Variants in SORCS2 observed in about 807,000 individuals in gnomAD.
SORCS2 encodes VPS10 domain-containing receptor SorCS2.
In SORCS2, 100 loss-of-function variants were observed where a neutral mutation model predicts 141.6. The observed-to-expected ratio is 0.71, with a 90% confidence interval of 0.60 to 0.83. SORCS2 has a LOEUF of 0.83. SORCS2 is among the 40% of genes least tolerant of loss of function. The pLI, the probability that SORCS2 is intolerant of heterozygous loss-of-function variation, is 0.00. For missense variants in SORCS2, 1,646 were observed against 1,560.2 expected (o/e 1.05, Z -0.93); for synonymous variants, 789 against 676.9 (o/e 1.17, Z -2.57).
At chr4:7,696,659 C>G (rs73204709) in intron 11 of SORCS2, among the ~76,000 whole-genome samples, 3 of 152,136 alleles carry the variant, frequency 2.0e-5, no homozygotes, top group African/African-American at 7.2e-5. Flanking sequence ...ACATTCTGCA[C>G]CCCCAGTTGG....
At chr4:7,497,269 G>A (rs1731687072) in intron 2 of SORCS2, among the ~76,000 whole-genome samples, 2 of 152,218 alleles carry the variant, frequency 1.3e-5, no homozygotes, top group Non-Finnish European at 2.9e-5. Context: ...CCATGTCTGG[G>A]CCTCCCCTGA....
At chr4:7,618,837 AAC>A (rs36003102) in intron 3 of SORCS2, among the ~76,000 whole-genome samples, 101,134 of 150,404 alleles carry the variant, frequency 0.67, 34,851 homozygotes, top group East Asian at 0.86. Context: ...CATGTGCGCA[AAC>A]ACACACACAC....
In SORCS2 at chr4:7,664,346, C is replaced by T. The variant is rs1020665118; in HGVS notation, c.953-7C>T. The T allele has an allele frequency of 5.6e-6, 9 of 1,612,246 alleles. No homozygotes were observed. Among genetic ancestry groups the T allele is most frequent in the East Asian group, 2.2e-5 (1 of 44,832 alleles). On this transcript the variant is annotated splice_region_variant and splice_polypyrimidine_tract_variant and intron_variant, in intron 6 of 26. Transcript: ENST00000507866. The surrounding 1 kb of genome is among the most constrained non-coding windows in gnomAD (Gnocchi z 4.7). The stretch of plus-strand genomic sequence containing the variant: ...TGACCGCCTGGGTCGGCGCCTCTCT[C>T]CTGTAGATTTTCGGTACGTCACCTG...
At chr4:7,425,351 A>C (rs1726358064) in intron 2 of SORCS2, among the ~76,000 whole-genome samples, 1 of 152,008 alleles carries the variant, frequency 6.6e-6, no homozygotes, top group Admixed American at 6.5e-5. Context: ...TTGAGATGAG[A>C]TGACCCCGAT....
At chr4:7,603,041 C>G (rs867480777) in intron 3 of SORCS2, among the ~76,000 whole-genome samples, 2 of 152,194 alleles carry the variant, frequency 1.3e-5, no homozygotes, top group African/African-American at 4.8e-5. Context: ...CGCCTGCAAT[C>G]GCAGGCACTC....
chr4:7,551,889 C>A (rs1186373611), intron 3 of SORCS2, among the ~76,000 whole-genome samples: 2 of 152,164 alleles, frequency 1.3e-5, no homozygotes, highest in African/African-American at 4.8e-5. Flanking sequence ...ATAATACCAC[C>A]GTGTAATTAC....
intron 2 of SORCS2, among the ~76,000 whole-genome samples, chr4:7,436,317 G>A (rs1018498676): frequency 1.2e-4 from 19 of 152,316 alleles, no homozygotes; most frequent in African/African-American, 3.6e-4. Flanking sequence ...GCTTATGATG[G>A]GCCTGCCATT....
rs1223202483 is a variant in SORCS2 at position 7,192,923 on chromosome 4, GC to G, written c.281del (p.Pro94ArgfsTer68). 8.2e-7 allele frequency: 1 copy of G among 1,226,564 alleles called. No individual in the cohort carries two copies. Among genetic ancestry groups the G allele is most frequent in the East Asian group, 3.5e-5 (1 of 28,810 alleles). The allele number at this position is 1,226,564 out of a possible 1,614,324, so 76.0% of individuals were successfully genotyped here. The part of the protein sequence containing the change: ...DRQARGTEPG[A>X]PGPSPGPAPG... The stretch of plus-strand genomic sequence containing the variant: ...GCAGGCGCGCGGCACGGAGCCAGGC[GC>G]CCCGGGTCCGAGTCCCGGTCCCGCT... On this transcript the variant is annotated frameshift_variant, in exon 1 of 27. Transcript: ENST00000507866. LOFTEE classifies it high-confidence loss of function. The surrounding 1 kb of genome is among the most constrained non-coding windows in gnomAD (Gnocchi z 4.0).
intron 2 of SORCS2, among the ~76,000 whole-genome samples, chr4:7,449,940 A>C (rs1027396686): frequency 6.6e-6 from 1 of 152,156 alleles, no homozygotes; most frequent in Non-Finnish European, 1.5e-5. Context: ...TCGATCCTTG[A>C]AATTAGTTAA....
intron 3 of SORCS2, among the ~76,000 whole-genome samples, chr4:7,563,424 A>G (rs1379817695): frequency 6.6e-6 from 1 of 152,202 alleles, no homozygotes; most frequent in African/African-American, 2.4e-5. Context: ...CTAGTGCAAC[A>G]GCCATCTCTC....
chr4:7,671,303 G>A (rs528513761), intron 8 of SORCS2, among the ~76,000 whole-genome samples: 15 of 151,898 alleles, frequency 9.9e-5, no homozygotes, highest in South Asian at 4.2e-4. Context: ...AAAAAGTTAC[G>A]AGGCATACAA....
intron 1 of SORCS2, among the ~76,000 whole-genome samples, chr4:7,198,341 C>T (rs1727287089): frequency 6.6e-6 from 1 of 152,184 alleles, no homozygotes; most frequent in Non-Finnish European, 1.5e-5. Flanking sequence ...GACTTGAAGC[C>T]TCGTGTCCGA....
chr4:7,410,897 G>A (rs1171670745), intron 2 of SORCS2, among the ~76,000 whole-genome samples: 1 of 145,740 alleles, frequency 6.9e-6, no homozygotes, highest in Admixed American at 6.7e-5. Context: ...AGAATTTGAG[G>A]AGACTTCTCA....
intron 4 of SORCS2, among the ~76,000 whole-genome samples, chr4:7,650,036 C>G (rs115675568): frequency 0.014 from 2,138 of 152,248 alleles, 53 homozygotes; most frequent in African/African-American, 0.048. Context: ...GTTGAGTGGT[C>G]GGCTTGAGCC....
At chr4:7,612,675 C>T (rs1264421868) in intron 3 of SORCS2, among the ~76,000 whole-genome samples, 1 of 152,216 alleles carries the variant, frequency 6.6e-6, no homozygotes, top group Non-Finnish European at 1.5e-5. Flanking sequence ...CTTTCTGGGG[C>T]CTGGTCTGCT....
chr4:7,412,728 G>T (rs1156328296), intron 2 of SORCS2, among the ~76,000 whole-genome samples: 2 of 151,856 alleles, frequency 1.3e-5, no homozygotes, highest in African/African-American at 4.8e-5. Flanking sequence ...CCTCCTGCTG[G>T]GTCTCCCCAA....
At chr4:7,328,342 A>G (rs1380749303) in intron 1 of SORCS2, among the ~76,000 whole-genome samples, 1 of 151,842 alleles carries the variant, frequency 6.6e-6, no homozygotes, top group Non-Finnish European at 1.5e-5. Flanking sequence ...GGCCCGTGCT[A>G]GGCTTCTGAT....
intron 25 of SORCS2, 32 bp downstream of exon 25, chr4:7,734,406 C>T: frequency 7.0e-7 from 1 of 1,429,622 alleles, no homozygotes; most frequent in South Asian, 1.4e-5. Flanking sequence ...CTCTGCGGGG[C>T]TCTGACCATG....
chr4:7,719,465 G>A (rs1726426355), intron 18 of SORCS2, among the ~76,000 whole-genome samples: 1 of 152,224 alleles, frequency 6.6e-6, no homozygotes, highest in African/African-American at 2.4e-5. Flanking sequence ...TGAGTGGCAG[G>A]GCTGGCGTTG....
Sources: allele counts gnomAD v4.1 joint callset (sites outside exome capture counted in the v4.1 genomes callset), GRCh38; gene constraint gnomAD v4.1.1; non-coding constraint Gnocchi (gnomAD v3.1); transcripts MANE v1.5; gene names NCBI Gene and HGNC (gene_info 2026-07-23, HGNC 2026-07-21).